The following RAB26 variants were observed in gnomAD, a reference collection of about 807,000 sequenced individuals.
RAB26 encodes ras-related protein Rab-26.
A neutral mutation model predicts 33.1 loss-of-function variants in RAB26; 39 were observed. That is an observed-to-expected ratio of 1.18 (90% confidence interval 0.91 to 1.54). RAB26 has a LOEUF of 1.54. Among genes scored for constraint, RAB26 ranks in the 40% most tolerant of loss-of-function variants. The pLI is 0.00. For synonymous variants in RAB26, 192 were observed against 151.9 expected (o/e 1.26, Z -1.94); for missense variants, 468 against 362.9 (o/e 1.29, Z -2.35).
intron 2 of RAB26, among the ~76,000 whole-genome samples, chr16:2,150,720 C>A (rs924631360): frequency 2.6e-5 from 4 of 151,818 alleles, no homozygotes; most frequent in African/African-American, 9.7e-5. Context: ...CACTTCCCCA[C>A]CTCCCTCTTG....
At chr16:2,151,360 G>T in intron 2 of RAB26, 1 of 652,360 alleles carries the variant, frequency 1.5e-6, no homozygotes, top group Admixed American at 2.4e-5. Flanking sequence ...GTCAGCGTAA[G>T]AGGCTCTAAG....
chr16:2,148,898 G>A lies in RAB26; in HGVS notation c.115G>A (p.Asp39Asn), dbSNP rs769458813. ...ARSGTALSGP[D>N]APPNGPLQPG... ...CTCCGGGACTGCGCTTTCCGGCCCC[G>A]ACGCGCCGCCCAACGGGCCCTTGCA... is the stretch of plus-strand genomic sequence containing the variant. Residue 39 changes from aspartate to asparagine, a missense_variant, in exon 1 of 9, where the codon GAC (aspartate) becomes AAC (asparagine). By Grantham distance (23) the Asp-to-Asn change is conservative. Transcript: ENST00000210187. 2 of 1,346,704 alleles carry A rather than the reference G, an allele frequency of 1.5e-6. No homozygotes were observed. The highest frequency in any genetic ancestry group is 1.9e-6 in the Non-Finnish European group (2 of 1,046,450). 83.4% of individuals were successfully genotyped at this position (1,346,704 alleles called of 1,614,324 possible).
chr16:2,150,576 G>A (rs1405558940), intron 2 of RAB26, among the ~76,000 whole-genome samples: 1 of 140,990 alleles, frequency 7.1e-6, no homozygotes, highest in Non-Finnish European at 1.6e-5. Flanking sequence ...TTAGAGGGAG[G>A]ATGGAGGAAG....
In RAB26 at chr16:2,151,908, G is replaced by A; in HGVS notation, c.468G>A (p.Gln156=). Residue 156 remains glutamine, a splice_region_variant and synonymous_variant, in exon 5 of 9, where the codon CAG becomes CAA. Transcript: ENST00000210187. Reference sequence around the variant, plus strand: ...ACAAGGCCTCCTTTGACAACATCCAGGTCAGTGGCTTTCCTGGTGGGGTGA... The same window carrying A: ...ACAAGGCCTCCTTTGACAACATCCAAGTCAGTGGCTTTCCTGGTGGGGTGA... ...VTNKASFDNI[Q]AWLTEIHEYA... is the part of the protein sequence containing the mutation. 2 of 1,614,144 alleles carry A rather than the reference G, an allele frequency of 1.2e-6. No homozygotes were observed. The highest frequency in any genetic ancestry group is 8.5e-7 in the Non-Finnish European group (1 of 1,180,034).
rs1211339155 is a variant in RAB26 at position 2,154,049 on chromosome 16, T to C, written c.*628T>C. The C allele has an allele frequency of 5.8e-6, 2 of 346,510 alleles. No homozygotes were observed. Among genetic ancestry groups the C allele is most frequent in the Non-Finnish European group, 1.1e-5 (2 of 174,006 alleles). 21.5% of individuals were successfully genotyped at this position (346,510 alleles called of 1,614,324 possible). On this transcript the variant is annotated 3_prime_UTR_variant, in exon 9 of 9. Transcript: ENST00000210187. ...CCTGGCCACAGGTGAGGTCTGTGAT[T>C]TCCGAGCACGCTCCACCTTGCACTC...
rs202000070 is a variant in RAB26 at position 2,151,805 on chromosome 16, C to A, written c.415+44C>A. Reference sequence around the variant, plus strand: ...GGGCTGGTTGGGGCGGGGGTCTGAGCACCTGAGGGTGCAGGTGATGGTGGA... The same window carrying A: ...GGGCTGGTTGGGGCGGGGGTCTGAGAACCTGAGGGTGCAGGTGATGGTGGA... On this transcript the variant is annotated intron_variant, in intron 4 of 8. Coordinates refer to ENST00000210187, the MANE Select transcript of RAB26 (RefSeq NM_014353.5). The A allele has an allele frequency of 2.0e-4, 326 of 1,613,914 alleles. 1 individual carries two copies. The African/African-American group carries it at 4.0e-3, about 20-fold the overall frequency.
rs1296136673 is a variant in RAB26, at chr16:2,153,135, G to A, written c.592-11G>A. On this transcript the variant is annotated splice_polypyrimidine_tract_variant and intron_variant, in intron 7 of 8. Coordinates refer to ENST00000210187, the MANE Select transcript of RAB26 (RefSeq NM_014353.5). ...CCAGGCCACCACCTGGCTGGCAGCA[G>A]CTGTTTACAGGAGTATGGACTGCCC... is the stretch of plus-strand genomic sequence containing the variant. 9 of 1,613,622 alleles carry A rather than the reference G, an allele frequency of 5.6e-6. No individual in the cohort carries two copies. Among genetic ancestry groups the A allele is most frequent in the Non-Finnish European group, 7.6e-6 (9 of 1,180,034 alleles).
chr16:2,153,873 C>T lies in RAB26; in HGVS notation c.*452C>T, dbSNP rs1234785508. The T allele has an allele frequency of 6.6e-6, 3 of 457,428 alleles. No homozygotes were observed. The highest frequency in any genetic ancestry group is 2.3e-5 in the Admixed American group (1 of 42,618). The allele number at this position is 457,428 out of a possible 1,614,324, so 28.3% of individuals were successfully genotyped here. On this transcript the variant is annotated 3_prime_UTR_variant, in exon 9 of 9. Coordinates refer to ENST00000210187, the MANE Select transcript of RAB26 (RefSeq NM_014353.5). ...TAATCACATCGTGCATCTGTGTGTCCTGGGAGCTGCCTGCTCCCGGCCCAC... is the reference window on the plus strand; with the variant it reads ...TAATCACATCGTGCATCTGTGTGTCTTGGGAGCTGCCTGCTCCCGGCCCAC...
intron 2 of RAB26, 143 bp from the exon 3 acceptor site, chr16:2,151,426 T>C: frequency 1.8e-6 from 2 of 1,122,342 alleles, no homozygotes; most frequent in South Asian, 1.3e-5. Context: ...GTGGGTGAGG[T>C]CAAATTGGCT....
rs773221599 is a variant in RAB26, at chr16:2,152,817, C to T, written c.469-3C>T. 1.2e-6 allele frequency: 2 copies of T among 1,604,120 alleles called. No homozygotes were observed. The highest frequency in any genetic ancestry group is 1.7e-6 in the Non-Finnish European group (2 of 1,177,220). On this transcript the variant is annotated splice_region_variant and splice_polypyrimidine_tract_variant and intron_variant, in intron 5 of 8. Transcript: ENST00000210187. ...CCCCAGCCTGGTCTGCTGCCTCCCA[C>T]AGGCCTGGCTGACCGAGATCCACGA... is the stretch of plus-strand genomic sequence containing the variant.
intron 5 of RAB26, among the ~76,000 whole-genome samples, chr16:2,152,400 G>A (rs899604216): frequency 1.3e-5 from 2 of 152,004 alleles, no homozygotes; most frequent in African/African-American, 2.4e-5. Flanking sequence ...GGCTGGGCAT[G>A]GTGGCTCACA....
At position 2,153,747 on chromosome 16, in the gene RAB26, C is replaced by CGTGG; in HGVS notation, c.*327_*328insTGGG. 1 of 537,214 alleles carries CGTGG rather than the reference C, an allele frequency of 1.9e-6. No individual in the cohort carries two copies. The highest frequency in any genetic ancestry group is 3.6e-6 in the Non-Finnish European group (1 of 280,638). The allele number at this position is 537,214 out of a possible 1,614,324, so 33.3% of individuals were successfully genotyped here. On this transcript the variant is annotated 3_prime_UTR_variant, in exon 9 of 9. Transcript: ENST00000210187. ...TGAGGGAGGGCTGGGGCTGGCACCACGCACAGTGCCTAACCCTAGAAAAGC... is the reference window on the plus strand; with the variant it reads ...TGAGGGAGGGCTGGGGCTGGCACCACGTGGGCACAGTGCCTAACCCTAGAAAAGC...
rs755096176 is a variant in RAB26, at chr16:2,153,402, C to G, written c.752C>G (p.Ala251Gly). Residue 251 changes from alanine to glycine, a missense_variant, in exon 9 of 9, where the codon GCC (alanine) becomes GGC (glycine). Transcript: ENST00000210187. ...HDYVKREGRG[A>G]SCCRP ...TACGTTAAGAGGGAGGGTCGAGGGG[C>G]CTCCTGCTGCCGCCCTTGAACCTGG... The G allele has an allele frequency of 6.2e-7, 1 of 1,613,410 alleles. No individual in the cohort carries two copies. Among genetic ancestry groups the G allele is most frequent in the Non-Finnish European group, 8.5e-7 (1 of 1,180,006 alleles).
Position 2,152,857 on chromosome 16 carries a change from A to T in RAB26, c.506A>T (p.Asp169Val). Reference protein sequence around the residue: ...LTEIHEYAQHDVALMLLGNKV... With the variant: ...LTEIHEYAQHVVALMLLGNKV... ...GAGATCCACGAGTACGCCCAGCACGACGTGGCGCTCATGCTGCTGGGGAAC... is the reference window on the plus strand; with the variant it reads ...GAGATCCACGAGTACGCCCAGCACGTCGTGGCGCTCATGCTGCTGGGGAAC... Residue 169 changes from aspartate to valine, a missense_variant, in exon 6 of 9, where the codon GAC becomes GTC. By Grantham distance (152) the Asp-to-Val change is radical (BLOSUM62 -3). Coordinates refer to ENST00000210187, the MANE Select transcript of RAB26 (RefSeq NM_014353.5). 1 of 1,607,950 alleles carries T rather than the reference A, an allele frequency of 6.2e-7. No homozygotes were observed. The highest frequency in any genetic ancestry group is 8.5e-7 in the Non-Finnish European group (1 of 1,177,554).
rs1341533989 is a variant in RAB26, at chr16:2,151,575, G to T, written c.313G>T (p.Val105Phe). The part of the protein sequence containing the change: ...STVGIDFRNK[V>F]LDVDGVKVKL... ...CTGGTTCTGTCTGTTTCAGAACAAA[G>T]TTCTGGACGTGGATGGTGTGAAGGT... The change falls in exon 3 of 9, where the codon GTT becomes TTT. Residue 105 changes from valine (V) to phenylalanine (F), a missense_variant. Val to Phe is a conservative substitution (Grantham distance 50, BLOSUM62 -1). Coordinates refer to ENST00000210187, the MANE Select transcript of RAB26 (RefSeq NM_014353.5). 1.9e-6 allele frequency: 3 copies of T among 1,613,866 alleles called. No individual in the cohort carries two copies. In the African/African-American group the frequency reaches 4.0e-5, roughly 22 times the overall value.
In RAB26 at chr16:2,151,583, C is replaced by G. The variant is rs200962346; in HGVS notation, c.321C>G (p.Asp107Glu). 3.7e-6 allele frequency: 6 copies of G among 1,613,798 alleles called. No individual in the cohort carries two copies. The highest frequency in any genetic ancestry group is 1.7e-5 in the Admixed American group (1 of 60,010). ...GTCTGTTTCAGAACAAAGTTCTGGA[C>G]GTGGATGGTGTGAAGGTGAAGCTGC... ...VGIDFRNKVL[D>E]VDGVKVKLQM... Residue 107 changes from aspartate (D) to glutamate (E), a missense_variant, in exon 3 of 9, where the codon GAC becomes GAG. Transcript: ENST00000210187.
chr16:2,148,510 C>G (rs1174649887), upstream of RAB26: 1 of 152,994 alleles, frequency 6.5e-6, no homozygotes, highest in Non-Finnish European at 1.5e-5. Context: ...GACCGCCCCC[C>G]ACCCCCCGCC....
In RAB26 at chr16:2,149,934, G is replaced by T; in HGVS notation, c.196-7G>T. ...CAGACTCCCCCCAACCCTCCTGCTT[G>T]TCCTAGGTCATGCTGGTGGGGGACT... is the stretch of plus-strand genomic sequence containing the variant. On this transcript the variant is annotated splice_region_variant and splice_polypyrimidine_tract_variant and intron_variant, in intron 1 of 8. Transcript: ENST00000210187. 6.5e-7 allele frequency: 1 copy of T among 1,530,382 alleles called. No individual in the cohort carries two copies. The highest frequency in any genetic ancestry group is 1.2e-5 in the South Asian group (1 of 80,948). 94.8% of individuals were successfully genotyped at this position (1,530,382 alleles called of 1,614,324 possible). A position where few individuals can be genotyped will look rare whatever the true frequency, so the allele number is the denominator to read the frequency against.
At chr16:2,151,111 A>AT (rs755475206) in intron 2 of RAB26, 1 of 418,934 alleles carries the variant, frequency 2.4e-6, no homozygotes, top group South Asian at 1.7e-5. Context: ...AGTGGCTTTA[A>AT]TTTTTTATTC....
Sources: allele counts gnomAD v4.1 joint callset (sites outside exome capture counted in the v4.1 genomes callset), GRCh38; gene constraint gnomAD v4.1.1; transcripts MANE v1.5; gene names NCBI Gene and HGNC (gene_info 2026-07-23, HGNC 2026-07-21).